Variants in ZNF728 observed in about 807,000 individuals in gnomAD.
ZNF728 encodes zinc finger protein 728.
In ZNF728, 12 loss-of-function variants were observed where a neutral mutation model predicts 12.5. The ratio of observed to expected loss-of-function variants is 0.96; its 90% confidence interval spans 0.61 to 1.55. The LOEUF (loss-of-function observed/expected upper bound fraction) is 1.55, where lower values mean the gene tolerates loss of function less well. Ranked by LOEUF, ZNF728 falls within the 40% of genes most tolerant of loss-of-function variation. The probability of loss-of-function intolerance (pLI) is 0.00; values close to 1 mark genes in which losing one functional copy is unlikely to be tolerated. For synonymous variants in ZNF728, 205 were observed against 240.7 expected (o/e 0.85, Z 1.37); for missense variants, 692 against 719.2 (o/e 0.96, Z 0.43).
At chr19:22,997,623 C>T (rs1969062458) in intron 1 of ZNF728, among the ~76,000 whole-genome samples, 2 of 151,412 alleles carry the variant, frequency 1.3e-5, no homozygotes. Context: ...CAAATCAGTC[C>T]CTAAGCTAGC....
intron 3 of ZNF728, among the ~76,000 whole-genome samples, chr19:22,980,518 G>A (rs1161996907): frequency 1.3e-5 from 2 of 152,098 alleles, no homozygotes; most frequent in Non-Finnish European, 2.9e-5. Context: ...ACTCAGCTCT[G>A]GACCAAGCAG....
At chr19:23,002,930 GCTGA>G in intron 1 of ZNF728, 94 bp downstream of exon 1, 1 of 1,485,562 alleles carries the variant, frequency 6.7e-7, no homozygotes, top group East Asian at 2.4e-5. Flanking sequence ...AGATTGTGGA[GCTGA>G]CTGAGAGGAG....
chr19:22,979,075 G>A (rs1968835000), intron 3 of ZNF728, among the ~76,000 whole-genome samples: 1 of 152,148 alleles, frequency 6.6e-6, no homozygotes, highest in African/African-American at 2.4e-5. Context: ...CGAGCTAAAG[G>A]AGCATGCTCT....
chr19:22,989,743 G>C (rs1968964030), intron 1 of ZNF728, among the ~76,000 whole-genome samples: 2 of 152,162 alleles, frequency 1.3e-5, no homozygotes, highest in Admixed American at 1.3e-4. Context: ...TTTTAATAGT[G>C]ATTTTAAATA....
At chr19:23,001,194 G>A (rs1306299313) in intron 1 of ZNF728, among the ~76,000 whole-genome samples, 1 of 152,094 alleles carries the variant, frequency 6.6e-6, no homozygotes, top group Non-Finnish European at 1.5e-5. Context: ...CTATTTTTCT[G>A]TCCCCTAAGA....
rs556701199 is a variant in ZNF728, at chr19:22,976,239, T to A, written c.1098A>T (p.Lys366Asn). 4.0e-4 allele frequency: 640 copies of A among 1,613,278 alleles called. 1 individual carries two copies. Among genetic ancestry groups the A allele is most frequent in the Non-Finnish European group, 5.1e-4 (601 of 1,179,838 alleles). Reference protein sequence around the residue: ...TKHKVIHTGEKPYKCEECGKA... With the variant: ...TKHKVIHTGENPYKCEECGKA... The stretch of plus-strand genomic sequence containing the variant: ...TGCCACATTCTTCACATTTGTAGGG[T>A]TTCTCTCCAGTATGAATTACCTTAT... Residue 366 changes from lysine (K) to asparagine (N), a missense_variant, in exon 4 of 4, where the codon AAA becomes AAT. By Grantham distance (94) the Lys-to-Asn change is moderately conservative. Coordinates refer to ENST00000594710, the MANE Select transcript of ZNF728 (RefSeq NM_001267716.2).
intron 1 of ZNF728, among the ~76,000 whole-genome samples, chr19:23,000,671 C>T (rs1471550137): frequency 1.3e-5 from 2 of 151,670 alleles, no homozygotes; most frequent in Admixed American, 6.6e-5. Context: ...TCAGCTCAAA[C>T]AGCCTGGTCA....
At chr19:22,986,818 T>G (rs368188853) in intron 3 of ZNF728, among the ~76,000 whole-genome samples, 1 of 151,938 alleles carries the variant, frequency 6.6e-6, no homozygotes, top group East Asian at 1.9e-4. Context: ...CAGGACAACA[T>G]ACTTTATAAT....
chr19:22,989,015 C>T lies in ZNF728; in HGVS notation c.4-564G>A, dbSNP rs188536838. 1.4e-3 allele frequency among the ~76,000 whole-genome samples: 202 copies of T among 144,856 alleles called. 1 individual carries two copies. Among genetic ancestry groups the T allele is most frequent in the African/African-American group, 5.0e-3 (192 of 38,098 alleles). ...GTGGTGAGCCGAGATCATGCCATTGCCCTCCAGCCTGGGCAACAAGAGCGA... is the reference window on the plus strand; with the variant it reads ...GTGGTGAGCCGAGATCATGCCATTGTCCTCCAGCCTGGGCAACAAGAGCGA... On this transcript the variant is annotated intron_variant, in intron 1 of 3. Transcript: ENST00000594710.
rs1406584474 is a variant in ZNF728 at position 22,976,972 on chromosome 19, T to A, written c.365A>T (p.Glu122Val). Residue 122 changes from glutamate (E) to valine (V), a missense_variant, in exon 4 of 4, where the codon GAG becomes GTG. Physicochemically the swap from Glu to Val is moderately radical, Grantham distance 121. Transcript: ENST00000594710. ...ATAACCTTTTTTGTGCACCTTACACTCATCCACATTGGTACAACCAATTTT... is the reference window on the plus strand; with the variant it reads ...ATAACCTTTTTTGTGCACCTTACACACATCCACATTGGTACAACCAATTTT... ...QLKIGCTNVD[E>V]CKVHKKGYNK... 2 of 1,613,478 alleles carry A rather than the reference T, an allele frequency of 1.2e-6. No individual in the cohort carries two copies. Among genetic ancestry groups the A allele is most frequent in the African/African-American group, 2.7e-5 (2 of 74,912 alleles).
At chr19:22,993,896 CT>C (rs143699754) in intron 1 of ZNF728, among the ~76,000 whole-genome samples, 5 of 151,698 alleles carry the variant, frequency 3.3e-5, no homozygotes, top group African/African-American at 9.7e-5. Flanking sequence ...CAGACAAAAA[CT>C]TTTTTTTTCT....
intron 3 of ZNF728, among the ~76,000 whole-genome samples, chr19:22,982,110 T>C (rs1968866941): frequency 6.6e-6 from 1 of 151,990 alleles, no homozygotes; most frequent in Non-Finnish European, 1.5e-5. Context: ...GCAGATGACA[T>C]GATTTAGAAA....
In ZNF728 at chr19:22,975,000, T is replaced by C. The variant is rs942124849; in HGVS notation, c.*468A>G. Among the ~76,000 whole-genome samples the C allele has an allele frequency of 6.6e-6, 1 of 152,210 alleles. No homozygotes were observed. Among genetic ancestry groups the C allele is most frequent in the Non-Finnish European group, 1.5e-5 (1 of 68,028 alleles). On this transcript the variant is annotated 3_prime_UTR_variant, in exon 4 of 4. Transcript: ENST00000594710. ...TAGTAGTTTTCTCCAGTATGAGATA[T>C]CTTACCTACAATCAAGTGTGACAGC...
At chr19:22,981,434 G>A (rs975536626) in intron 3 of ZNF728, among the ~76,000 whole-genome samples, 12 of 152,176 alleles carry the variant, frequency 7.9e-5, no homozygotes, top group African/African-American at 1.4e-4. Flanking sequence ...ATTCACAGCT[G>A]AATTCTACCA....
In ZNF728 at chr19:22,975,410, A is replaced by T; in HGVS notation, c.*58T>A. On this transcript the variant is annotated 3_prime_UTR_variant, in exon 4 of 4. Transcript: ENST00000594710. ...CACATTTGTAGGGTTTCCCTCCTGT[A>T]TAAATACCCTTATGTTCAGTAAGGG... The T allele has an allele frequency of 6.9e-7, 1 of 1,455,816 alleles. No homozygotes were observed. The highest frequency in any genetic ancestry group is 9.2e-7 in the Non-Finnish European group (1 of 1,084,832). The allele number at this position is 1,455,816 out of a possible 1,614,324, so 90.2% of individuals were successfully genotyped here.
At chr19:22,992,993 T>A (rs1178792266) in intron 1 of ZNF728, among the ~76,000 whole-genome samples, 1 of 152,200 alleles carries the variant, frequency 6.6e-6, no homozygotes, top group Non-Finnish European at 1.5e-5. Context: ...CCTGATTTGC[T>A]AGCTGGTGGG....
Position 22,987,346 on chromosome 19 carries a change from C to T in ZNF728, c.188G>A (p.Trp63Ter). The T allele has an allele frequency of 6.2e-7, 1 of 1,612,468 alleles. No homozygotes were observed. The highest frequency in any genetic ancestry group is 8.5e-7 in the Non-Finnish European group (1 of 1,179,202). ...IIFLEQGKEP[W>*]NMKRHELVKE... is the part of the protein sequence containing the mutation. Reference sequence around the variant, plus strand: ...CACCAGCTCATGTCTCTTCATATTCCAGGGCTCTTTTCCTTGCTCCAGAAA... The same window carrying T: ...CACCAGCTCATGTCTCTTCATATTCTAGGGCTCTTTTCCTTGCTCCAGAAA... The change falls in exon 3 of 4, where the codon TGG becomes TAG. Residue 63 changes from tryptophan to a stop codon, truncating the protein, a stop_gained. Transcript: ENST00000594710. LOFTEE classifies it low-confidence loss of function (END_TRUNC).
intron 1 of ZNF728, among the ~76,000 whole-genome samples, chr19:23,000,878 A>C (rs1969104138): frequency 8.4e-6 from 1 of 119,222 alleles, no homozygotes; most frequent in Admixed American, 7.4e-5. Context: ...AAAAAAAAAA[A>C]AAAAAAACCA....
intron 1 of ZNF728, among the ~76,000 whole-genome samples, chr19:23,001,532 A>C (rs954280901): frequency 1.3e-5 from 2 of 152,218 alleles, no homozygotes; most frequent in Non-Finnish European, 2.9e-5. Context: ...CATGGCGGGT[A>C]TCTTGGTTTT....
Sources: gnomAD v4.1 joint callset for allele counts (sites outside exome capture counted in the v4.1 genomes callset) on GRCh38, gnomAD v4.1.1 for gene constraint, MANE v1.5 for transcripts, NCBI Gene and HGNC (gene_info 2026-07-23, HGNC 2026-07-21) for gene names.